The following L2HGDH variants were observed in gnomAD, a reference collection of about 807,000 sequenced individuals.
L2HGDH encodes the protein L-2-hydroxyglutarate dehydrogenase.
In L2HGDH, 34 loss-of-function variants were observed where a neutral mutation model predicts 51.5. The ratio of observed to expected loss-of-function variants is 0.66; its 90% CI spans 0.50 to 0.88. The LOEUF (loss-of-function observed/expected upper bound fraction) is 0.88. Among genes scored for constraint, L2HGDH ranks in the 40% least tolerant of loss-of-function variants. The probability of loss-of-function intolerance (pLI) is 0.00; values close to 1 mark genes in which losing one functional copy is unlikely to be tolerated. For synonymous variants in L2HGDH, 198 were observed against 197.9 expected (o/e 1.00, Z -0.01); for missense variants, 558 against 571.9 (o/e 0.98, Z 0.25).
chr14:50,303,205 C>T (rs186702490), intron 1 of L2HGDH, among the ~76,000 whole-genome samples, 188 bp from the exon 2 acceptor site: 392 of 152,166 alleles, frequency 2.6e-3, no homozygotes, highest in African/African-American at 8.5e-3. Flanking sequence ...GGGCGGATCA[C>T]GAGGTCAAGA....
rs996427483 is a variant in L2HGDH, at chr14:50,244,177, T to C, written c.*2881A>G. ...TGTGTCTTTATAGCAGCATGATTTA[T>C]AGTCCCTTGGGTATATACCCAGTAA... On this transcript the variant is annotated 3_prime_UTR_variant, in exon 10 of 10. Transcript: ENST00000267436. 6.5e-6 allele frequency: 1 copy of C among 154,338 alleles called. No homozygotes were observed. Among genetic ancestry groups the C allele is most frequent in the South Asian group, 2.1e-4 (1 of 4,850 alleles). 9.6% of individuals were successfully genotyped at this position (154,338 alleles called of 1,614,324 possible). A position where few individuals can be genotyped will look rare whatever the true frequency, so the allele number is the denominator to read the frequency against.
At chr14:50,266,045 C>G (rs752562963) in intron 8 of L2HGDH, among the ~76,000 whole-genome samples, 2 of 151,566 alleles carry the variant, frequency 1.3e-5, no homozygotes, top group African/African-American at 2.4e-5. Flanking sequence ...ACTAGGGAGG[C>G]TGAAGTGGGA....
Position 50,242,874 on chromosome 14 carries a change from G to A in L2HGDH, c.*4184C>T, listed in dbSNP as rs1482182716. 5.1e-6 allele frequency: 5 copies of A among 985,060 alleles called. No individual in the cohort carries two copies. Among genetic ancestry groups the A allele is most frequent in the Non-Finnish European group, 6.0e-6 (5 of 829,744 alleles). 61.0% of individuals were successfully genotyped at this position (985,060 alleles called of 1,614,324 possible). On this transcript the variant is annotated 3_prime_UTR_variant, in exon 10 of 10. Coordinates refer to ENST00000267436, the MANE Select transcript of L2HGDH (RefSeq NM_024884.3). ...AGACACAGATTAAGGGCCCAGGAGG[G>A]CAGAGCCAGTCCTTAAACAATATAG...
At chr14:50,292,236 T>C (rs1321851517) in intron 4 of L2HGDH, among the ~76,000 whole-genome samples, 1 of 152,196 alleles carries the variant, frequency 6.6e-6, no homozygotes. Flanking sequence ...AAGATGTAAA[T>C]TGTCTCCACA....
Position 50,283,909 on chromosome 14 carries a change from A to T in L2HGDH, c.665T>A (p.Ile222Asn), listed in dbSNP as rs1247375190. ...SVLTNFEVKG[I>N]EMAKESPSRS... ...TGAAGGACTTTCTTTAGCCATTTCA[A>T]TACCTTTTACTTCAAAATTGGTCAA... Residue 222 changes from isoleucine to asparagine, a missense_variant, in exon 5 of 10, where the codon ATT (isoleucine) becomes AAT (asparagine). Coordinates refer to ENST00000267436, the MANE Select transcript of L2HGDH (RefSeq NM_024884.3). The T allele has an allele frequency of 1.9e-6, 3 of 1,614,096 alleles. No homozygotes were observed. Among genetic ancestry groups the T allele is most frequent in the Non-Finnish European group, 1.7e-6 (2 of 1,179,978 alleles).
intron 9 of L2HGDH, among the ~76,000 whole-genome samples, chr14:50,262,687 G>A (rs561246423): frequency 3.2e-4 from 49 of 151,698 alleles, no homozygotes; most frequent in African/African-American, 1.1e-3. Flanking sequence ...TGTATAATCC[G>A]TAAGCAATAT....
At position 50,247,274 on chromosome 14, in the gene L2HGDH, A is replaced by G. The variant is rs770101976; in HGVS notation, c.1197-21T>C. The stretch of plus-strand genomic sequence containing the variant: ...GGCCCCTGCAAAAGTAAAAGATGGG[A>G]GTCAGCTGACTCAAAGACATAGGAT... On this transcript the variant is annotated intron_variant, in intron 9 of 9. Transcript: ENST00000267436. 5.0e-6 allele frequency: 8 copies of G among 1,608,806 alleles called. No individual in the cohort carries two copies. The Admixed American group carries it at 1.4e-4, about 27-fold the overall frequency.
Position 50,244,387 on chromosome 14 carries a change from G to A in L2HGDH, c.*2671C>T, listed in dbSNP as rs1887914881. 1 of 985,226 alleles carries A rather than the reference G, an allele frequency of 1.0e-6. No individual in the cohort carries two copies. The highest frequency in any genetic ancestry group is 1.1e-4 in the East Asian group (1 of 8,814). 61.0% of individuals were successfully genotyped at this position (985,226 alleles called of 1,614,324 possible). On this transcript the variant is annotated 3_prime_UTR_variant, in exon 10 of 10. Coordinates refer to ENST00000267436, the MANE Select transcript of L2HGDH (RefSeq NM_024884.3). ...TATTGTACAGACTCAAATGGATTGA[G>A]GACTGCTTCAATTAGGACAATCATT...
At chr14:50,279,387 G>C (rs1419499559) in intron 5 of L2HGDH, among the ~76,000 whole-genome samples, 1 of 152,156 alleles carries the variant, frequency 6.6e-6, no homozygotes, top group Non-Finnish European at 1.5e-5. Flanking sequence ...GTGGGGGCTG[G>C]GCATGAGGTG....
chr14:50,266,395 C>G (rs542646994), intron 8 of L2HGDH, among the ~76,000 whole-genome samples: 2 of 152,276 alleles, frequency 1.3e-5, no homozygotes, highest in Admixed American at 6.5e-5. Flanking sequence ...GTAATCCCAG[C>G]ACTTTGGGAG....
chr14:50,288,263 A>C (rs1365007337), intron 4 of L2HGDH, among the ~76,000 whole-genome samples: 1 of 152,172 alleles, frequency 6.6e-6, no homozygotes, highest in Non-Finnish European at 1.5e-5. Flanking sequence ...ATGTTTAATA[A>C]CGTGTATAGG....
intron 4 of L2HGDH, among the ~76,000 whole-genome samples, chr14:50,286,635 T>C (rs1005921316): frequency 6.6e-6 from 1 of 152,232 alleles, no homozygotes; most frequent in Non-Finnish European, 1.5e-5. Flanking sequence ...CCAAACTACA[T>C]GTTCTACTAT....
intron 2 of L2HGDH, 70 bp from the exon 3 acceptor site, chr14:50,302,238 A>T: frequency 6.6e-7 from 1 of 1,516,708 alleles, no homozygotes. Flanking sequence ...TAAGAGAACA[A>T]ACTTATAGTT....
intron 4 of L2HGDH, among the ~76,000 whole-genome samples, chr14:50,285,906 G>A (rs1890539550): frequency 6.6e-6 from 1 of 152,090 alleles, no homozygotes; most frequent in Admixed American, 6.5e-5. Flanking sequence ...AGATGCTGGT[G>A]TGCCCCACCT....
At chr14:50,293,728 G>C (rs1463922219) in intron 4 of L2HGDH, among the ~76,000 whole-genome samples, 1 of 152,148 alleles carries the variant, frequency 6.6e-6, no homozygotes, top group Non-Finnish European at 1.5e-5. Flanking sequence ...GGCTCCCCGT[G>C]CCTACTGGAT....
At chr14:50,282,368 C>A (rs923869154) in intron 5 of L2HGDH, 11 of 440,802 alleles carry the variant, frequency 2.5e-5, no homozygotes, top group Middle Eastern at 3.3e-4. Flanking sequence ...TTAGCTTCCA[C>A]CTTCCTGTTG....
intron 1 of L2HGDH, among the ~76,000 whole-genome samples, chr14:50,303,343 A>C (rs1054865246): frequency 6.6e-6 from 1 of 151,960 alleles, no homozygotes. Context: ...AATCACTTGA[A>C]CCTGGGAAGC....
chr14:50,302,663 C>T (rs1455308731), intron 2 of L2HGDH, among the ~76,000 whole-genome samples: 1 of 152,130 alleles, frequency 6.6e-6, no homozygotes, highest in Non-Finnish European at 1.5e-5. Flanking sequence ...ACTTTCCTCA[C>T]CCCCTCACTC....
At chr14:50,250,692 G>T (rs1043937024) in intron 9 of L2HGDH, among the ~76,000 whole-genome samples, 1 of 152,208 alleles carries the variant, frequency 6.6e-6, no homozygotes, top group Non-Finnish European at 1.5e-5. Context: ...GTTCCAGGGG[G>T]TTTAGCACAG....
Sources: allele counts gnomAD v4.1 joint callset (sites outside exome capture counted in the v4.1 genomes callset), GRCh38; gene constraint gnomAD v4.1.1; transcripts MANE v1.5; gene names NCBI Gene and HGNC (gene_info 2026-07-23, HGNC 2026-07-21).